The following DIPK2B variants were observed in gnomAD, a reference collection of about 807,000 sequenced individuals.
DIPK2B encodes divergent protein kinase domain 2B.
Under a neutral mutation model 22.2 loss-of-function variants are expected in DIPK2B, and 15 were observed. The ratio of observed to expected loss-of-function variants is 0.68; its 90% CI spans 0.45 to 1.04. DIPK2B has a LOEUF of 1.04. Among genes scored for constraint, DIPK2B ranks in the 50% least tolerant of loss-of-function variants. The pLI is 0.00. For missense variants in DIPK2B, 345 were observed against 348.3 expected, an observed-to-expected ratio of 0.99 and a Z score of 0.08; for synonymous variants, 163 against 153.2, an observed-to-expected ratio of 1.06 and a Z score of -0.47.
At chrX:45,200,486 A>G in intron 1 of DIPK2B, 108 bp downstream of exon 1, 1 of 747,711 alleles carries the variant, frequency 1.3e-6, no homozygotes, top group South Asian at 2.7e-5. Context: ...GATTTGTTTC[A>G]GCTCCCACCC....
chrX:45,158,919 A>T (rs935289134), intron 2 of DIPK2B, among the ~76,000 whole-genome samples: 40 of 112,127 alleles, frequency 3.6e-4, no homozygotes, highest in Non-Finnish European at 5.3e-4. Flanking sequence ...TGCAGAGTGT[A>T]GGTAATGGTT....
At chrX:45,182,074 C>CA (rs200586875) in intron 2 of DIPK2B, among the ~76,000 whole-genome samples, 36,932 of 86,549 alleles carry the variant, frequency 0.43, 6,398 homozygotes, top group Non-Finnish European at 0.5. Flanking sequence ...CACCCTGTCT[C>CA]AAAAAAAAAA....
intron 2 of DIPK2B, chrX:45,163,307 T>G (rs961037138): frequency 1.1e-4 from 67 of 586,069 alleles, no homozygotes; most frequent in Non-Finnish European, 1.3e-4. Context: ...TGTAAATCAA[T>G]TCTTTGAAAT....
At chrX:45,156,929 C>T (rs1212914331) in intron 3 of DIPK2B, among the ~76,000 whole-genome samples, 1 of 108,293 alleles carries the variant, frequency 9.2e-6, no homozygotes, top group Non-Finnish European at 1.9e-5. Context: ...CCCTCTCCTC[C>T]TCTCCCGCCT....
chrX:45,189,839 G>C (rs1285888075), intron 2 of DIPK2B, among the ~76,000 whole-genome samples: 2 of 111,711 alleles, frequency 1.8e-5, no homozygotes, highest in Non-Finnish European at 3.8e-5. Context: ...TTACAAAATG[G>C]CTGCTAATAT....
At chrX:45,164,557 T>G (rs896932675) in intron 2 of DIPK2B, among the ~76,000 whole-genome samples, 2 of 110,866 alleles carry the variant, frequency 1.8e-5, no homozygotes, top group Non-Finnish European at 3.8e-5. Flanking sequence ...AGTTGAACAA[T>G]GAGAATACAT....
intron 2 of DIPK2B, chrX:45,163,384 T>G: frequency 1.3e-6 from 1 of 751,916 alleles, no homozygotes; most frequent in Non-Finnish European, 1.6e-6. Context: ...CCTGATACAC[T>G]AGCTAAAGGA....
chrX:45,167,495 CAAAAAAA>C (rs1156692662), intron 2 of DIPK2B, among the ~76,000 whole-genome samples: 2 of 24,689 alleles, frequency 8.1e-5, no homozygotes, highest in Non-Finnish European at 1.4e-4. Flanking sequence ...AAGACTGTCT[CAAAAAAA>C]AAAAAAAAAA....
intron 2 of DIPK2B, among the ~76,000 whole-genome samples, chrX:45,164,626 C>T (rs754498226): frequency 1.8e-5 from 2 of 111,534 alleles, no homozygotes; most frequent in South Asian, 7.5e-4. Context: ...GGTTGGGAGG[C>T]TAGGGGAGAG....
chrX:45,151,344 G>A lies in DIPK2B; in HGVS notation c.*308C>T. On this transcript the variant is annotated 3_prime_UTR_variant, in exon 5 of 5. Transcript: ENST00000398000. Reference sequence around the variant, plus strand: ...ATGCTTGGGATATATGCTCAGTGGTGGCTCCATCTGTGTCTTCTTTCACCC... The same window carrying A: ...ATGCTTGGGATATATGCTCAGTGGTAGCTCCATCTGTGTCTTCTTTCACCC... 3.2e-6 allele frequency: 1 copy of A among 317,001 alleles called. No individual in the cohort carries two copies. The highest frequency in any genetic ancestry group is 5.5e-6 in the Non-Finnish European group (1 of 181,866). 26.1% of individuals were successfully genotyped at this position (317,001 alleles called of 1,213,427 possible). A position where few individuals can be genotyped will look rare whatever the true frequency, so the allele number is the denominator to read the frequency against.
At position 45,148,753 on chromosome X, in the gene DIPK2B, C is replaced by T. The variant is rs1355390634; in HGVS notation, c.*2899G>A. ...GACAAACATCCAAACCATATCACAG[C>T]TTACACTGTGGATGTGAACACAGCT... On this transcript the variant is annotated 3_prime_UTR_variant, in exon 5 of 5. Coordinates refer to ENST00000398000, the MANE Select transcript of DIPK2B (RefSeq NM_176819.4). The T allele has an allele frequency of 8.9e-6, 1 of 111,922 alleles. No homozygotes were observed. Among genetic ancestry groups the T allele is most frequent in the East Asian group, 2.8e-4 (1 of 3,562 alleles). The allele number at this position is 111,922 out of a possible 1,213,427, so 9.2% of individuals were successfully genotyped here. A position where few individuals can be genotyped will look rare whatever the true frequency, so the allele number is the denominator to read the frequency against.
intron 2 of DIPK2B, among the ~76,000 whole-genome samples, chrX:45,159,548 A>G (rs2047012107): frequency 8.9e-6 from 1 of 111,747 alleles, no homozygotes; most frequent in Non-Finnish European, 1.9e-5. Flanking sequence ...ATCACATCAT[A>G]TAACCCTGCA....
chrX:45,157,755 A>G lies in DIPK2B; in HGVS notation c.632T>C (p.Leu211Pro). The change falls in exon 3 of 5, where the codon CTC becomes CCC. Residue 211 changes from leucine to proline, a missense_variant. Transcript: ENST00000398000. ...GTGCGAGTTGACAGCCAGCGTGTAG[A>G]GCAGGCGCAGCTTGTCACGGTCGGT... ...HFTDRDKLRL[L>P]YTLAVNSHPI... 1.7e-6 allele frequency: 2 copies of G among 1,197,871 alleles called. No homozygotes were observed. The highest frequency in any genetic ancestry group is 2.2e-6 in the Non-Finnish European group (2 of 889,157).
At chrX:45,171,358 C>T (rs150426684) in intron 2 of DIPK2B, among the ~76,000 whole-genome samples, 2,742 of 111,311 alleles carry the variant, frequency 0.025, 90 homozygotes, top group African/African-American at 0.085. Context: ...TGAAAAGATC[C>T]ACTGTCTTCG....
chrX:45,188,499 C>T (rs2047195364), intron 2 of DIPK2B, among the ~76,000 whole-genome samples: 1 of 112,406 alleles, frequency 8.9e-6, no homozygotes, highest in Non-Finnish European at 1.9e-5. Context: ...ACATTAGCTG[C>T]CCATCACAAG....
At chrX:45,158,845 CCT>C (rs1172144877) in intron 2 of DIPK2B, among the ~76,000 whole-genome samples, 1 of 111,948 alleles carries the variant, frequency 8.9e-6, no homozygotes, top group Admixed American at 9.5e-5. Flanking sequence ...CTCATTGAAT[CCT>C]CTCAGGCCCT....
intron 2 of DIPK2B, among the ~76,000 whole-genome samples, chrX:45,171,275 A>T (rs2047079540): frequency 9.0e-6 from 1 of 110,926 alleles, no homozygotes; most frequent in African/African-American, 3.3e-5. Flanking sequence ...TTTGCCATGA[A>T]GATTCAACAC....
chrX:45,176,008 G>A (rs1329002819), intron 2 of DIPK2B, among the ~76,000 whole-genome samples: 6 of 109,440 alleles, frequency 5.5e-5, no homozygotes, highest in African/African-American at 2.0e-4. Flanking sequence ...GGAGCACTTT[G>A]TTGGAAGAAT....
At chrX:45,186,403 C>T (rs1430976915) in intron 2 of DIPK2B, among the ~76,000 whole-genome samples, 1 of 111,531 alleles carries the variant, frequency 9.0e-6, no homozygotes, top group Non-Finnish European at 1.9e-5. Context: ...ACCATTCAGC[C>T]AGAGGATGTG....
Sources: gnomAD v4.1 joint callset for allele counts (sites outside exome capture counted in the v4.1 genomes callset) on GRCh38, gnomAD v4.1.1 for gene constraint, MANE v1.5 for transcripts, NCBI Gene and HGNC (gene_info 2026-07-23, HGNC 2026-07-21) for gene names.